Variants in CADM2 observed in about 807,000 individuals in gnomAD.
CADM2 encodes immunoglobulin superfamily member 4D.
Under a neutral mutation model 49.8 loss-of-function variants are expected in CADM2, and 12 were observed. The observed-to-expected ratio is 0.24, with a 90% CI of 0.15 to 0.39. The LOEUF (loss-of-function observed/expected upper bound fraction) is 0.39, where lower values mean the gene tolerates loss of function less well. CADM2 is among the 10% of genes least tolerant of loss of function. The pLI, the probability that CADM2 is intolerant of heterozygous loss-of-function variation, is 1.00. For missense variants in CADM2, 378 were observed against 492.3 expected (o/e 0.77, Z 2.20); for synonymous variants, 214 against 175.4 (o/e 1.22, Z -1.74).
intron 1 of CADM2, among the ~76,000 whole-genome samples, chr3:85,484,591 C>T (rs912379342): frequency 6.6e-6 from 1 of 151,838 alleles, no homozygotes; most frequent in Non-Finnish European, 1.5e-5. Flanking sequence ...CAATTTTTCT[C>T]CTTAACTTCT....
chr3:85,234,199 A>T (rs934538479), intron 1 of CADM2, among the ~76,000 whole-genome samples: 23 of 152,112 alleles, frequency 1.5e-4, no homozygotes, highest in African/African-American at 5.3e-4. Context: ...ATATTTAACC[A>T]CTATATCATG....
chr3:85,892,302 G>A (rs962302138), intron 5 of CADM2, among the ~76,000 whole-genome samples: 2 of 152,128 alleles, frequency 1.3e-5, no homozygotes, highest in African/African-American at 4.8e-5. Context: ...TAAATGACTT[G>A]GATAATGAAT....
At chr3:85,944,748 A>G (rs1722423062) in intron 7 of CADM2, among the ~76,000 whole-genome samples, 2 of 152,162 alleles carry the variant, frequency 1.3e-5, no homozygotes, top group South Asian at 2.1e-4. Flanking sequence ...GACACAACAT[A>G]CCAGAATATC....
At chr3:85,296,337 A>G (rs995623565) in intron 1 of CADM2, among the ~76,000 whole-genome samples, 2 of 152,108 alleles carry the variant, frequency 1.3e-5, no homozygotes, top group Non-Finnish European at 2.9e-5. Flanking sequence ...GCAATAATTG[A>G]TAACTCAAAT....
intron 1 of CADM2, among the ~76,000 whole-genome samples, chr3:85,241,423 A>T (rs945864332): frequency 6.6e-6 from 1 of 151,566 alleles, no homozygotes; most frequent in African/African-American, 2.4e-5. Context: ...CTTGAAATTG[A>T]GTAGTCAGGA....
At chr3:85,098,087 A>T (rs980157740) in intron 1 of CADM2, among the ~76,000 whole-genome samples, 1 of 152,160 alleles carries the variant, frequency 6.6e-6, no homozygotes, top group Admixed American at 6.6e-5. Flanking sequence ...ATGGCAGAAT[A>T]TGTTCCAGCA....
At chr3:85,877,853 A>G (rs907326756) in intron 3 of CADM2, among the ~76,000 whole-genome samples, 11 of 152,102 alleles carry the variant, frequency 7.2e-5, no homozygotes, top group African/African-American at 2.2e-4. Flanking sequence ...CTGAATGCCT[A>G]CTGTGTAGAT....
At chr3:85,144,903 C>G (rs1255595786) in intron 1 of CADM2, among the ~76,000 whole-genome samples, 2 of 152,136 alleles carry the variant, frequency 1.3e-5, no homozygotes, top group African/African-American at 4.8e-5. Context: ...AGTCTTTTAA[C>G]TACTCTTAGT....
At chr3:85,078,298 T>A (rs1575819393) in intron 1 of CADM2, among the ~76,000 whole-genome samples, 1 of 151,980 alleles carries the variant, frequency 6.6e-6, no homozygotes, top group African/African-American at 2.4e-5. Flanking sequence ...TTCCTGGACA[T>A]CTCAGAAAAC....
intron 1 of CADM2, among the ~76,000 whole-genome samples, chr3:85,586,364 A>G (rs1481068656): frequency 6.6e-6 from 1 of 152,120 alleles, no homozygotes; most frequent in African/African-American, 2.4e-5. Context: ...ACAAAAACAG[A>G]AAAACAATAG....
chr3:85,860,696 T>A (rs1242609725), intron 3 of CADM2, among the ~76,000 whole-genome samples: 1 of 152,190 alleles, frequency 6.6e-6, no homozygotes, highest in Non-Finnish European at 1.5e-5. Flanking sequence ...TCTGATCTTA[T>A]GACTGAATCC....
At chr3:85,608,606 A>G (rs916847171) in intron 1 of CADM2, among the ~76,000 whole-genome samples, 2 of 152,164 alleles carry the variant, frequency 1.3e-5, no homozygotes, top group Admixed American at 6.6e-5. Context: ...ACCTACCAGC[A>G]ATGTCAGCTT....
At chr3:85,152,981 TA>T (rs112902222) in intron 1 of CADM2, among the ~76,000 whole-genome samples, 5,022 of 143,236 alleles carry the variant, frequency 0.035, 115 homozygotes, top group South Asian at 0.047. Context: ...AAAAAAAATG[TA>T]AAAAAAAAAT....
chr3:85,871,831 C>T (rs538247686), intron 3 of CADM2, among the ~76,000 whole-genome samples: 4 of 152,154 alleles, frequency 2.6e-5, no homozygotes, highest in Admixed American at 2.6e-4. Flanking sequence ...GGTAGGCATC[C>T]AGTTCTTTAA....
chr3:85,454,081 G>A (rs186308825), intron 1 of CADM2, among the ~76,000 whole-genome samples: 12 of 152,220 alleles, frequency 7.9e-5, no homozygotes, highest in East Asian at 3.9e-4. Flanking sequence ...GCGGCTGGGC[G>A]TGGAGGCTCA....
At chr3:85,606,701 G>A (rs2063548970) in intron 1 of CADM2, among the ~76,000 whole-genome samples, 3 of 152,068 alleles carry the variant, frequency 2.0e-5, no homozygotes, top group South Asian at 4.1e-4. Context: ...CTTAATGTAT[G>A]AGTAGGATGT....
chr3:85,695,336 T>G (rs780120339), intron 1 of CADM2, among the ~76,000 whole-genome samples: 23 of 152,046 alleles, frequency 1.5e-4, no homozygotes, highest in Non-Finnish European at 2.8e-4. Context: ...CCTCCTACCC[T>G]TCTTCCCCCA....
intron 8 of CADM2, among the ~76,000 whole-genome samples, chr3:85,996,649 A>G (rs971938080): frequency 2.0e-5 from 3 of 152,164 alleles, no homozygotes; most frequent in Non-Finnish European, 2.9e-5. Context: ...AATACATTTG[A>G]TCTAGTGAAA....
At chr3:85,476,256 T>C (rs148773856) in intron 1 of CADM2, among the ~76,000 whole-genome samples, 1 of 152,022 alleles carries the variant, frequency 6.6e-6, no homozygotes, top group East Asian at 1.9e-4. Flanking sequence ...TTCATACATC[T>C]TTATAAATTG....
Sources: gnomAD v4.1 joint callset for allele counts (sites outside exome capture counted in the v4.1 genomes callset) on GRCh38, gnomAD v4.1.1 for gene constraint, MANE v1.5 for transcripts, NCBI Gene and HGNC (gene_info 2026-07-23, HGNC 2026-07-21) for gene names.